The following NUP210 variants were observed in gnomAD, a reference collection of about 807,000 sequenced individuals.
NUP210 encodes the protein nucleoporin 210, also known as nuclear pore membrane glycoprotein 210.
A neutral mutation model predicts 196.0 loss-of-function variants in NUP210; 151 were observed. The ratio of observed to expected loss-of-function variants is 0.77; its 90% CI spans 0.67 to 0.88. The LOEUF is 0.88. Ranked by LOEUF, NUP210 falls within the 40% of genes least tolerant of loss-of-function variation. The probability of loss-of-function intolerance (pLI) is 0.00; values close to 1 mark genes in which losing one functional copy is unlikely to be tolerated. For synonymous variants in NUP210, 1,070 were observed against 1,052.7 expected (o/e 1.02, Z -0.32); for missense variants, 2,314 against 2,493.7 (o/e 0.93, Z 1.53).
chr3:13,375,070 A>G (rs1698852490), intron 11 of NUP210, among the ~76,000 whole-genome samples: 1 of 152,184 alleles, frequency 6.6e-6, no homozygotes, highest in Admixed American at 6.5e-5. Context: ...GCTTTCAAAA[A>G]AGATTTTTAG....
Position 13,323,295 on chromosome 3 carries a change from C to A in NUP210, c.4768+14G>T. The A allele has an allele frequency of 6.2e-7, 1 of 1,614,058 alleles. No individual in the cohort carries two copies. The highest frequency in any genetic ancestry group is 2.2e-5 in the East Asian group (1 of 44,876). On this transcript the variant is annotated intron_variant, in intron 34 of 39. Coordinates refer to ENST00000254508, the MANE Select transcript of NUP210 (RefSeq NM_024923.4). The surrounding 1 kb of genome is among the most constrained non-coding windows in gnomAD (Gnocchi z 4.3). ...CAGGTACTCTGAAGACAGCCCAAGCCCCTCATTAAGTACCTCTCAGGTTAG... is the reference window on the plus strand; with the variant it reads ...CAGGTACTCTGAAGACAGCCCAAGCACCTCATTAAGTACCTCTCAGGTTAG...
intron 12 of NUP210, 47 bp downstream of exon 12, chr3:13,373,671 A>T: frequency 6.3e-7 from 1 of 1,596,850 alleles, no homozygotes; most frequent in Non-Finnish European, 8.6e-7. Flanking sequence ...GCGGCTGGAG[A>T]CCACCATCCG....
At chr3:13,326,837 AC>A (rs572365217) in intron 32 of NUP210, among the ~76,000 whole-genome samples, 1 of 151,838 alleles carries the variant, frequency 6.6e-6, no homozygotes, top group African/African-American at 2.4e-5. Context: ...GGGGCAGGGG[AC>A]CCCCCCACCG....
intron 21 of NUP210, 31 bp downstream of exon 21, chr3:13,343,144 G>A (rs374496441): frequency 2.7e-5 from 43 of 1,612,394 alleles, no homozygotes; most frequent in East Asian, 1.1e-4. Context: ...CAGGTCAGCC[G>A]AGGGTGCCCC....
intron 1 of NUP210, among the ~76,000 whole-genome samples, chr3:13,403,099 A>G (rs930340077): frequency 1.3e-5 from 2 of 152,188 alleles, no homozygotes; most frequent in Non-Finnish European, 2.9e-5. Context: ...TTTTAAGAAA[A>G]TACGTGATTT....
At chr3:13,405,511 GAT>G (rs146981659) in intron 1 of NUP210, among the ~76,000 whole-genome samples, 2 of 151,274 alleles carry the variant, frequency 1.3e-5, no homozygotes, top group African/African-American at 2.4e-5. Context: ...GTGTGTATAA[GAT>G]ATATATATAT....
In NUP210 at chr3:13,343,292, C is replaced by T. The variant is rs374165563; in HGVS notation, c.2847G>A (p.Leu949=). The part of the protein sequence containing the change: ...EARGVAMVHP[L]LPGSSTIMIH... ...TCATGATGGTGGATGAGCCCGGGAG[C>T]AAAGGGTGCACCTGCAAGGTTGGGG... The change falls in exon 21 of 40, where the codon TTG becomes TTA. Residue 949 remains leucine (L), a synonymous_variant. Transcript: ENST00000254508. 8.0e-7 allele frequency: 1 copy of T among 1,247,774 alleles called. No homozygotes were observed. The highest frequency in any genetic ancestry group is 1.8e-5 in the African/African-American group (1 of 54,700). 77.3% of individuals were successfully genotyped at this position (1,247,774 alleles called of 1,614,324 possible).
intron 33 of NUP210, among the ~76,000 whole-genome samples, chr3:13,324,358 G>C (rs938993705): frequency 5.9e-5 from 9 of 152,106 alleles, no homozygotes; most frequent in African/African-American, 2.2e-4. Flanking sequence ...TCTGGGCTGA[G>C]GCCCCCACCC....
In NUP210 at chr3:13,348,764, A is replaced by G; in HGVS notation, c.2835+3115T>C. 1 of 985,390 alleles carries G rather than the reference A, an allele frequency of 1.0e-6. No individual in the cohort carries two copies. The highest frequency in any genetic ancestry group is 1.2e-6 in the Non-Finnish European group (1 of 829,924). The allele number at this position is 985,390 out of a possible 1,614,324, so 61.0% of individuals were successfully genotyped here. ...GGGTCTGCCTCTGAGAAGAACAGGA[A>G]CAGTGGGACTCCCTCCCCCTCCTTG... On this transcript the variant is annotated intron_variant, in intron 20 of 39. Transcript: ENST00000254508. The surrounding 1 kb of genome is among the most constrained non-coding windows in gnomAD (Gnocchi z 4.0).
At chr3:13,415,915 CT>C (rs1700334534) in intron 1 of NUP210, among the ~76,000 whole-genome samples, 1 of 152,178 alleles carries the variant, frequency 6.6e-6, no homozygotes. Context: ...GCAGCTTCCC[CT>C]GCTGGGGCAG....
In NUP210 at chr3:13,379,861, A is replaced by C; in HGVS notation, c.818-140T>G. 1 of 657,826 alleles carries C rather than the reference A, an allele frequency of 1.5e-6. No homozygotes were observed. The highest frequency in any genetic ancestry group is 2.4e-6 in the Non-Finnish European group (1 of 413,426). 40.7% of individuals were successfully genotyped at this position (657,826 alleles called of 1,614,324 possible). The stretch of plus-strand genomic sequence containing the variant: ...CTGACGCATTTTCTTAATTGTTTTC[A>C]GTGCTTTAAATGTTAATATTGTTCT... On this transcript the variant is annotated intron_variant, in intron 6 of 39. Transcript: ENST00000254508. This position sits in a 1 kb window ranked among gnomAD's most constrained non-coding sequence, Gnocchi z 4.2.
At position 13,353,942 on chromosome 3, in the gene NUP210, C is replaced by T. The variant is rs753065275; in HGVS notation, c.2494G>A (p.Asp832Asn). ...ELPMQLVSQD[D>N]ESGQKKLHGL... ...TGCAGCTTCTTTTGGCCACTCTCAT[C>T]GTCCTGGGACACCAGCTGCATGGGC... is the stretch of plus-strand genomic sequence containing the variant. The change falls in exon 17 of 40, where the codon GAT becomes AAT. Residue 832 changes from aspartate to asparagine, a missense_variant. By Grantham distance (23) the Asp-to-Asn change is conservative. Transcript: ENST00000254508. 8.7e-6 allele frequency: 14 copies of T among 1,609,744 alleles called. No individual in the cohort carries two copies. The highest frequency in any genetic ancestry group is 3.3e-5 in the South Asian group (3 of 90,036).
chr3:13,359,900 T>C (rs1698311901), intron 15 of NUP210, among the ~76,000 whole-genome samples: 3 of 152,246 alleles, frequency 2.0e-5, no homozygotes, highest in Non-Finnish European at 2.9e-5. Flanking sequence ...CAACAAGATG[T>C]GTCAAACCTG....
At chr3:13,403,549 G>C (rs901912458) in intron 1 of NUP210, among the ~76,000 whole-genome samples, 1 of 152,198 alleles carries the variant, frequency 6.6e-6, no homozygotes, top group African/African-American at 2.4e-5. Flanking sequence ...ACAGACATTC[G>C]TTCACGTGGT....
intron 18 of NUP210, among the ~76,000 whole-genome samples, chr3:13,352,642 C>T (rs1698019363): frequency 6.6e-6 from 1 of 152,230 alleles, no homozygotes; most frequent in South Asian, 2.1e-4. Context: ...CTGAGCTCTG[C>T]TTCCCACCAT....
chr3:13,348,308 G>A lies in NUP210; in HGVS notation c.2835+3571C>T, dbSNP rs1284432111. The A allele has an allele frequency of 3.4e-6, 3 of 878,892 alleles. No homozygotes were observed. Among genetic ancestry groups the A allele is most frequent in the Non-Finnish European group, 4.1e-6 (3 of 732,872 alleles). The allele number at this position is 878,892 out of a possible 1,614,324, so 54.4% of individuals were successfully genotyped here. On this transcript the variant is annotated intron_variant, in intron 20 of 39. Coordinates refer to ENST00000254508, the MANE Select transcript of NUP210 (RefSeq NM_024923.4). The surrounding 1 kb of genome is among the most constrained non-coding windows in gnomAD (Gnocchi z 4.0). ...GACAGGGAGCTCACTACCTACAGCG[G>A]CAGCCTAGTCCATCACCGACCTCTA...
At chr3:13,330,439 A>AG in intron 30 of NUP210, 21 bp downstream of exon 30, 1 of 1,609,044 alleles carries the variant, frequency 6.2e-7, no homozygotes, top group Non-Finnish European at 8.5e-7. Flanking sequence ...TACTCCAAAA[A>AG]GGAGGAGAAT....
chr3:13,337,311 C>T (rs540562314), intron 26 of NUP210, among the ~76,000 whole-genome samples: 28 of 152,284 alleles, frequency 1.8e-4, no homozygotes, highest in African/African-American at 6.7e-4. Context: ...GGGTCCCTGG[C>T]TCCTTTAGTC....
At chr3:13,351,361 T>C (rs1697964332) in intron 20 of NUP210, among the ~76,000 whole-genome samples, 1 of 152,344 alleles carries the variant, frequency 6.6e-6, no homozygotes, top group East Asian at 1.9e-4. Context: ...AAGGAAACCA[T>C]TAGGTAACTA....
Sources: gnomAD v4.1 joint callset for allele counts (sites outside exome capture counted in the v4.1 genomes callset) on GRCh38, gnomAD v4.1.1 for gene constraint, Gnocchi (gnomAD v3.1) non-coding constraint, MANE v1.5 for transcripts, NCBI Gene and HGNC (gene_info 2026-07-23, HGNC 2026-07-21) for gene names.